SRRM3: variants seen among roughly 807,000 people sequenced by gnomAD.
SRRM3 encodes the protein serine/arginine repetitive matrix protein 3.
In SRRM3, 27 loss-of-function variants were observed where a neutral mutation model predicts 66.2. The ratio of observed to expected loss-of-function variants is 0.41; its 90% confidence interval spans 0.30 to 0.56. The LOEUF is 0.56. SRRM3 is among the 20% of genes least tolerant of loss of function. The pLI, the probability that SRRM3 is intolerant of heterozygous loss-of-function variation, is 0.32. For synonymous variants in SRRM3, 391 were observed against 414.9 expected, an observed-to-expected ratio of 0.94 and a Z score of 0.70; for missense variants, 918 against 991.9, an observed-to-expected ratio of 0.93 and a Z score of 1.00.
chr7:76,203,829 C>T (rs905833812), intron 1 of SRRM3, among the ~76,000 whole-genome samples: 5 of 151,898 alleles, frequency 3.3e-5, no homozygotes, highest in East Asian at 3.9e-4. Flanking sequence ...AGTATCAAGG[C>T]CCAGTTCAAT....
At chr7:76,221,380 T>TTTTTTTTTTTC (rs1800714689) in intron 1 of SRRM3, among the ~76,000 whole-genome samples, 1 of 132,682 alleles carries the variant, frequency 7.5e-6, no homozygotes, top group Admixed American at 7.5e-5. Context: ...TTTTTTTTTT[T>TTTTTTTTTTTC]GAGACGGAGT....
intron 3 of SRRM3, among the ~76,000 whole-genome samples, chr7:76,253,308 G>C (rs1287236428): frequency 6.6e-6 from 1 of 152,098 alleles, no homozygotes; most frequent in African/African-American, 2.4e-5. Context: ...CCAACATGGA[G>C]AAACCTCATT....
intron 2 of SRRM3, 27 bp downstream of exon 2, chr7:76,235,326 G>A (rs782728437): frequency 6.8e-7 from 1 of 1,468,340 alleles, no homozygotes; most frequent in Non-Finnish European, 9.0e-7. Flanking sequence ...GCGGGACTGG[G>A]GTGGGGAGAT....
intron 1 of SRRM3, among the ~76,000 whole-genome samples, chr7:76,229,862 G>A (rs1208274286): frequency 6.6e-6 from 1 of 150,960 alleles, no homozygotes; most frequent in Non-Finnish European, 1.5e-5. Context: ...TTCTGCCTCA[G>A]CCTCCCGAAT....
chr7:76,273,791 T>C (rs1802269558), intron 11 of SRRM3, among the ~76,000 whole-genome samples: 1 of 152,168 alleles, frequency 6.6e-6, no homozygotes, highest in Non-Finnish European at 1.5e-5. Context: ...TACAAAGCTA[T>C]GTTTCCTGGT....
At chr7:76,263,355 A>C (rs544063331) in intron 8 of SRRM3, among the ~76,000 whole-genome samples, 1 of 152,270 alleles carries the variant, frequency 6.6e-6, no homozygotes. Context: ...AGAAGGACTG[A>C]AGGGATCTGG....
chr7:76,221,801 T>C (rs1353319493), intron 1 of SRRM3, among the ~76,000 whole-genome samples: 1 of 152,230 alleles, frequency 6.6e-6, no homozygotes, highest in East Asian at 1.9e-4. Flanking sequence ...CTGATTTATA[T>C]GGATCTATAT....
At chr7:76,205,986 G>T (rs1016083988) in intron 1 of SRRM3, among the ~76,000 whole-genome samples, 6 of 139,164 alleles carry the variant, frequency 4.3e-5, no homozygotes, top group Non-Finnish European at 9.9e-5. Context: ...CTTCGTGGGT[G>T]GGGGGTCATC....
chr7:76,280,130 A>AG (rs1491259268), intron 11 of SRRM3, among the ~76,000 whole-genome samples: 1 of 149,784 alleles, frequency 6.7e-6, no homozygotes, highest in Admixed American at 6.6e-5. Flanking sequence ...AAAAAAAAAA[A>AG]GAAAAAGAAA....
At position 76,282,973 on chromosome 7, in the gene SRRM3, C is replaced by T; in HGVS notation, c.1605C>T (p.Asp535=). ...CGCGCCGGCCCCGCAGGGACAAGGA[C>T]GGCGAGGGCCGCGCAAGGCACTCTG... The part of the protein sequence containing the change: ...SPKKPLSRDK[D]GEGRARHSEA... Residue 535 remains aspartate (D), a synonymous_variant, in exon 14 of 15, where the codon GAC becomes GAT. Transcript: ENST00000611745. The T allele has an allele frequency of 7.1e-7, 1 of 1,400,852 alleles. No homozygotes were observed. The highest frequency in any genetic ancestry group is 9.2e-7 in the Non-Finnish European group (1 of 1,081,688). The allele number at this position is 1,400,852 out of a possible 1,614,324, so 86.8% of individuals were successfully genotyped here.
At position 76,282,965 on chromosome 7, in the gene SRRM3, G is replaced by A; in HGVS notation, c.1597G>A (p.Asp533Asn). 7.2e-7 allele frequency: 1 copy of A among 1,381,410 alleles called. No individual in the cohort carries two copies. The highest frequency in any genetic ancestry group is 1.6e-5 in the South Asian group (1 of 62,758). 85.6% of individuals were successfully genotyped at this position (1,381,410 alleles called of 1,614,324 possible). Residue 533 changes from aspartate to asparagine, a missense_variant and splice_region_variant, in exon 14 of 15, where the codon GAC becomes AAC. By Grantham distance (23) the Asp-to-Asn change is conservative. Coordinates refer to ENST00000611745, the MANE Select transcript of SRRM3 (RefSeq NM_001110199.3). ...SPSPKKPLSRDKDGEGRARHS... is the reference protein window; with the variant it reads ...SPSPKKPLSRNKDGEGRARHS... The stretch of plus-strand genomic sequence containing the variant: ...ACTTACCTCGCGCCGGCCCCGCAGG[G>A]ACAAGGACGGCGAGGGCCGCGCAAG...
intron 1 of SRRM3, among the ~76,000 whole-genome samples, chr7:76,231,294 T>A (rs2116987004): frequency 6.6e-6 from 1 of 152,304 alleles, no homozygotes; most frequent in East Asian, 1.9e-4. Context: ...CCAGACTGCA[T>A]CTGCCACGCC....
chr7:76,231,760 G>A (rs1238574569), intron 1 of SRRM3, among the ~76,000 whole-genome samples: 2 of 152,184 alleles, frequency 1.3e-5, no homozygotes, highest in East Asian at 1.9e-4. Flanking sequence ...CAAAAGATGC[G>A]GAAGCACAAA....
At position 76,285,762 on chromosome 7, in the gene SRRM3, CCGCAGCCGGACA is replaced by C. The variant is rs1563645153; in HGVS notation, c.1889_1900del (p.Arg630_Ser633del). The C allele has an allele frequency of 6.4e-7, 1 of 1,550,910 alleles. No homozygotes were observed. The highest frequency in any genetic ancestry group is 1.2e-5 in the South Asian group (1 of 84,030). On this transcript the variant is annotated inframe_deletion, in exon 15 of 15. Coordinates refer to ENST00000611745, the MANE Select transcript of SRRM3 (RefSeq NM_001110199.3). This position sits in a 1 kb window ranked among gnomAD's most constrained non-coding sequence, Gnocchi z 4.1. ...GCTACAGCAGTCGCAGCCATGGGACCCGCAGCCGGACACGCAGCCCCTCGAGGACCCCCAGTC... is the reference window on the plus strand; with the variant it reads ...GCTACAGCAGTCGCAGCCATGGGACCCGCAGCCCCTCGAGGACCCCCAGTC...
intron 11 of SRRM3, among the ~76,000 whole-genome samples, chr7:76,279,706 G>T (rs1802446238): frequency 6.6e-6 from 1 of 152,080 alleles, no homozygotes; most frequent in Non-Finnish European, 1.5e-5. Context: ...CGTGGCCAGG[G>T]TCACTCGGTG....
At chr7:76,209,648 A>G (rs905014910) in intron 1 of SRRM3, among the ~76,000 whole-genome samples, 1 of 146,964 alleles carries the variant, frequency 6.8e-6, no homozygotes, top group Non-Finnish European at 1.5e-5. Flanking sequence ...ACCATCTGCT[A>G]GGCTGGAGTG....
At chr7:76,258,285 G>A (rs1328978945) in intron 3 of SRRM3, among the ~76,000 whole-genome samples, 4 of 152,204 alleles carry the variant, frequency 2.6e-5, no homozygotes, top group African/African-American at 4.8e-5. Flanking sequence ...GAGGAAAGGA[G>A]GGGAAGCGGG....
chr7:76,223,846 C>CCTTCCCTTCT, intron 1 of SRRM3, among the ~76,000 whole-genome samples: 1 of 85,462 alleles, frequency 1.2e-5, no homozygotes, highest in Non-Finnish European at 2.0e-5. Context: ...CCTTCCCTTC[C>CCTTCCCTTCT]CTTCCCTTCC....
rs1242861993 is a variant in SRRM3 at position 76,235,192 on chromosome 7, G to A, written c.126G>A (p.Ala42=). Residue 42 remains alanine (A), a synonymous_variant, in exon 2 of 15, where the codon GCG becomes GCA. Transcript: ENST00000611745. ...WPRAEEELRA[A]EPGLVKRAHR... is the part of the protein sequence containing the mutation. ...GGGCGGAAGAGGAGCTGCGCGCCGC[G>A]GAGCCGGGCCTGGTGAAGCGCGCGC... The A allele has an allele frequency of 3.2e-6, 5 of 1,549,776 alleles. No individual in the cohort carries two copies. Among genetic ancestry groups the A allele is most frequent in the Admixed American group, 3.8e-5 (2 of 52,162 alleles).
Sources: gnomAD v4.1 joint callset for allele counts (sites outside exome capture counted in the v4.1 genomes callset) on GRCh38, gnomAD v4.1.1 for gene constraint, Gnocchi (gnomAD v3.1) non-coding constraint, MANE v1.5 for transcripts, NCBI Gene and HGNC (gene_info 2026-07-23, HGNC 2026-07-21) for gene names.